The following HIVEP3 variants were observed in gnomAD, a reference collection of about 807,000 sequenced individuals.
HIVEP3 encodes the protein transcription factor HIVEP3.
In HIVEP3, 49 loss-of-function variants were observed where a neutral mutation model predicts 152.8. The ratio of observed to expected loss-of-function variants is 0.32; its 90% confidence interval spans 0.26 to 0.41. The LOEUF (loss-of-function observed/expected upper bound fraction) is 0.41, where lower values mean the gene tolerates loss of function less well. Ranked by LOEUF, HIVEP3 falls within the 10% of genes least tolerant of loss-of-function variation. The pLI is 1.00. For missense variants in HIVEP3, 2,790 were observed against 3,103.3 expected, an observed-to-expected ratio of 0.90 and a Z score of 2.40; for synonymous variants, 1,269 against 1,289.0, an observed-to-expected ratio of 0.98 and a Z score of 0.33.
At chr1:41,524,633 C>A (rs919253889) in intron 6 of HIVEP3, 102 bp downstream of exon 6, 3 of 1,087,442 alleles carry the variant, frequency 2.8e-6, no homozygotes, top group Non-Finnish European at 4.2e-6. Context: ...CTGCTCCAGG[C>A]CCCCTGCAAA....
At chr1:42,005,780 A>G (rs1470932147) in intron 1 of HIVEP3, among the ~76,000 whole-genome samples, 8 of 152,240 alleles carry the variant, frequency 5.3e-5, no homozygotes, top group Non-Finnish European at 7.3e-5. Context: ...ACTTTCTTTC[A>G]AATAAAGCCT....
intron 3 of HIVEP3, among the ~76,000 whole-genome samples, chr1:41,617,561 TGCGG>T (rs1289541009): frequency 6.6e-6 from 1 of 152,240 alleles, no homozygotes; most frequent in East Asian, 1.9e-4. Flanking sequence ...CCTCTTAAAG[TGCGG>T]CACCGCCTGG....
chr1:41,531,218 GA>G (rs1643236798), intron 5 of HIVEP3, among the ~76,000 whole-genome samples: 1 of 150,498 alleles, frequency 6.6e-6, no homozygotes, highest in African/African-American at 2.4e-5. Context: ...TAGAGGACAG[GA>G]GAGAAGGGAG....
At chr1:41,620,574 C>A (rs146330991) in intron 3 of HIVEP3, among the ~76,000 whole-genome samples, 19 of 152,284 alleles carry the variant, frequency 1.2e-4, no homozygotes, top group Admixed American at 2.0e-4. Flanking sequence ...CACTGCTCAC[C>A]TTGACTTGGT....
intron 1 of HIVEP3, among the ~76,000 whole-genome samples, chr1:41,817,506 G>T (rs1325943001): frequency 2.6e-5 from 4 of 152,168 alleles, no homozygotes; most frequent in African/African-American, 9.7e-5. Flanking sequence ...CTGCTGCATG[G>T]CTAGGCTGAG....
At chr1:41,625,682 C>G (rs1429672651) in intron 3 of HIVEP3, among the ~76,000 whole-genome samples, 1 of 152,130 alleles carries the variant, frequency 6.6e-6, no homozygotes, top group Non-Finnish European at 1.5e-5. Flanking sequence ...CTGCAGTGAG[C>G]TATGATCACA....
At chr1:41,910,399 A>C (rs1348187479) in intron 1 of HIVEP3, among the ~76,000 whole-genome samples, 2 of 152,018 alleles carry the variant, frequency 1.3e-5, no homozygotes, top group Non-Finnish European at 2.9e-5. Flanking sequence ...GATCTATTGA[A>C]GAAATTGAAT....
chr1:41,862,256 G>A (rs1436708170), intron 1 of HIVEP3, among the ~76,000 whole-genome samples: 1 of 152,142 alleles, frequency 6.6e-6, no homozygotes, highest in Non-Finnish European at 1.5e-5. Context: ...TAAGCAACAA[G>A]TGTGGGCTCT....
intron 2 of HIVEP3, among the ~76,000 whole-genome samples, chr1:41,686,061 GTTTT>G (rs1646110340): frequency 1.3e-5 from 2 of 149,442 alleles, no homozygotes; most frequent in African/African-American, 2.5e-5. Flanking sequence ...TTGTTTGTTT[GTTTT>G]GTTTTGTTTT....
At chr1:41,544,811 TACCACCTCTACCACCACCATCACC>T (rs1643651693) in intron 5 of HIVEP3, among the ~76,000 whole-genome samples, 1 of 30,462 alleles carries the variant, frequency 3.3e-5, no homozygotes, top group Non-Finnish European at 6.1e-5. Context: ...CCACCACCAC[TACCACCTCTACCACCACCATCACC>T]ACCACCACTA....
chr1:41,531,790 CAG>C (rs1197950025), intron 5 of HIVEP3, among the ~76,000 whole-genome samples: 1 of 53,094 alleles, frequency 1.9e-5, no homozygotes, highest in Non-Finnish European at 3.8e-5. Flanking sequence ...AGATGGAAGA[CAG>C]GGGAGACGGA....
chr1:41,861,921 C>T (rs562464358), intron 1 of HIVEP3, among the ~76,000 whole-genome samples: 26 of 151,800 alleles, frequency 1.7e-4, no homozygotes, highest in South Asian at 1.3e-3. Flanking sequence ...GTGTTGGCAA[C>T]GGGAGAGAAA....
intron 1 of HIVEP3, among the ~76,000 whole-genome samples, chr1:41,713,762 G>C (rs1296067158): frequency 6.6e-6 from 1 of 152,192 alleles, no homozygotes; most frequent in African/African-American, 2.4e-5. Context: ...GACTGCTTCT[G>C]AGCATTAGAA....
intron 1 of HIVEP3, among the ~76,000 whole-genome samples, chr1:41,883,518 C>G (rs1053706465): frequency 7.2e-5 from 11 of 152,206 alleles, no homozygotes; most frequent in Non-Finnish European, 1.5e-4. Context: ...CAACATTACA[C>G]TAATGACAAA....
intron 1 of HIVEP3, among the ~76,000 whole-genome samples, chr1:41,767,644 ACT>A (rs1352192191): frequency 6.6e-6 from 1 of 151,676 alleles, no homozygotes; most frequent in Non-Finnish European, 1.5e-5. Context: ...GAGCTGAAGG[ACT>A]CTCCCTTCCA....
chr1:41,837,708 C>T (rs767738955), intron 1 of HIVEP3, among the ~76,000 whole-genome samples: 1 of 152,192 alleles, frequency 6.6e-6, no homozygotes. Context: ...ATTCTATCTC[C>T]TATTCTAAAA....
At chr1:42,034,441 A>G (rs1314232560) in intron 1 of HIVEP3, among the ~76,000 whole-genome samples, 1 of 152,256 alleles carries the variant, frequency 6.6e-6, no homozygotes, top group Non-Finnish European at 1.5e-5. Context: ...AGATTATTAT[A>G]GAAACACTAT....
chr1:41,978,088 A>G (rs1417185536), intron 1 of HIVEP3, among the ~76,000 whole-genome samples: 4 of 152,186 alleles, frequency 2.6e-5, no homozygotes, highest in Non-Finnish European at 2.9e-5. Context: ...ACCCAAGTCT[A>G]TGTCTTTACT....
At chr1:41,738,085 T>C (rs1461856651) in intron 1 of HIVEP3, among the ~76,000 whole-genome samples, 1 of 152,236 alleles carries the variant, frequency 6.6e-6, no homozygotes, top group African/African-American at 2.4e-5. Flanking sequence ...AAATTCAGCA[T>C]TGGCCACCTC....
Sources: gnomAD v4.1 joint callset for allele counts (sites outside exome capture counted in the v4.1 genomes callset) on GRCh38, gnomAD v4.1.1 for gene constraint, MANE v1.5 for transcripts, NCBI Gene and HGNC (gene_info 2026-07-23, HGNC 2026-07-21) for gene names.